The following MTUS1 variants were observed in gnomAD, a reference collection of about 807,000 sequenced individuals.
The protein encoded by MTUS1 is microtubule-associated tumor suppressor 1.
In MTUS1, 109 loss-of-function variants were observed where a neutral mutation model predicts 120.8. The ratio of observed to expected loss-of-function variants is 0.90; its 90% CI spans 0.77 to 1.06. The LOEUF (loss-of-function observed/expected upper bound fraction) is 1.06, where lower values mean the gene tolerates loss of function less well. Ranked by LOEUF, MTUS1 falls within the 50% of genes least tolerant of loss-of-function variation. The pLI, the probability that MTUS1 is intolerant of heterozygous loss-of-function variation, is 0.00. For missense variants in MTUS1, 2,210 were observed against 1,486.3 expected (o/e 1.49, Z -8.01); for synonymous variants, 737 against 550.5 (o/e 1.34, Z -4.74).
At chr8:17,760,056 C>CTTTTT (rs58249092) in intron 1 of MTUS1, among the ~76,000 whole-genome samples, 2 of 95,482 alleles carry the variant, frequency 2.1e-5, no homozygotes, top group African/African-American at 3.5e-5. Context: ...GATTTCTTTT[C>CTTTTT]TTTTTTTTTT....
chr8:17,753,478 G>A (rs1470341006), intron 2 of MTUS1, among the ~76,000 whole-genome samples: 1 of 152,120 alleles, frequency 6.6e-6, no homozygotes, highest in Non-Finnish European at 1.5e-5. Flanking sequence ...ACTATTAAAA[G>A]GAACGGTGAT....
chr8:17,681,166 T>G (rs1368839387), intron 7 of MTUS1, among the ~76,000 whole-genome samples: 1 of 152,178 alleles, frequency 6.6e-6, no homozygotes, highest in Non-Finnish European at 1.5e-5. Flanking sequence ...ACTTCTGACC[T>G]CAGGTGATCC....
intron 8 of MTUS1, among the ~76,000 whole-genome samples, chr8:17,662,219 A>C (rs1302732382): frequency 6.6e-6 from 1 of 152,044 alleles, no homozygotes; most frequent in Non-Finnish European, 1.5e-5. Context: ...ACTTTCAATT[A>C]ATCAGACACC....
chr8:17,658,545 A>G (rs977171169), intron 8 of MTUS1, among the ~76,000 whole-genome samples: 3 of 152,176 alleles, frequency 2.0e-5, no homozygotes, highest in Non-Finnish European at 4.4e-5. Context: ...GTACTACTGT[A>G]ACTGTCAGGG....
At chr8:17,746,642 C>T (rs2047774214) in intron 2 of MTUS1, among the ~76,000 whole-genome samples, 1 of 152,136 alleles carries the variant, frequency 6.6e-6, no homozygotes, top group South Asian at 2.1e-4. Flanking sequence ...CCAGGTCCCT[C>T]CCACAATATG....
At chr8:17,662,238 C>T (rs890362622) in intron 8 of MTUS1, among the ~76,000 whole-genome samples, 1 of 151,936 alleles carries the variant, frequency 6.6e-6, no homozygotes, top group Non-Finnish European at 1.5e-5. Flanking sequence ...CCCCACAAAG[C>T]CAAAACCAAA....
In MTUS1 at chr8:17,698,996, A is replaced by C. The variant is rs536030058; in HGVS notation, c.2623+14218T>G. Among the ~76,000 whole-genome samples, 5 of 152,266 alleles carry C rather than the reference A, an allele frequency of 3.3e-5. No individual in the cohort carries two copies. In the East Asian group the frequency reaches 9.6e-4, roughly 29 times the overall value. On this transcript the variant is annotated intron_variant, in intron 6 of 14. Coordinates refer to ENST00000693296, the MANE Select transcript of MTUS1 (RefSeq NM_001363059.2). ...AACACCTTTTCCTTCCAGATTCTAC[A>C]TACTAAAAATATACCAGAACCTTTT...
intron 1 of MTUS1, chr8:17,758,218 G>C (rs1006529292): frequency 9.8e-5 from 15 of 152,318 alleles, no homozygotes; most frequent in African/African-American, 3.6e-4. Context: ...AATAAAACCA[G>C]AATAGGAACT....
At chr8:17,668,710 G>C (rs555156972) in intron 8 of MTUS1, among the ~76,000 whole-genome samples, 1 of 152,120 alleles carries the variant, frequency 6.6e-6, no homozygotes, top group Admixed American at 6.5e-5. Flanking sequence ...GGGCACATGT[G>C]CAGGTTTGTT....
At chr8:17,719,906 T>C (rs1436368128) in intron 4 of MTUS1, among the ~76,000 whole-genome samples, 1 of 152,356 alleles carries the variant, frequency 6.6e-6, no homozygotes, top group South Asian at 2.1e-4. Context: ...CCCTGTCTTA[T>C]TGCAGTGAAA....
chr8:17,761,688 T>C (rs2049048670), intron 1 of MTUS1, among the ~76,000 whole-genome samples: 2 of 152,306 alleles, frequency 1.3e-5, no homozygotes, highest in Admixed American at 6.5e-5. Flanking sequence ...AAGTAAAACA[T>C]AAGAACTGGC....
At chr8:17,742,311 T>TTTTTTTTTTTTTTTTTTTTTTTA (rs1554516969) in intron 3 of MTUS1, among the ~76,000 whole-genome samples, 1 of 139,536 alleles carries the variant, frequency 7.2e-6, no homozygotes, top group Non-Finnish European at 1.6e-5. Context: ...TTTTTTTTTT[T>TTTTTTTTTTTTTTTTTTTTTTTA]AGAGATAGTG....
chr8:17,798,281 C>T, intron 1 of MTUS1, among the ~76,000 whole-genome samples: 1 of 152,102 alleles, frequency 6.6e-6, no homozygotes, highest in East Asian at 1.9e-4. Flanking sequence ...GTCTCTAACC[C>T]AAGATATGGA....
chr8:17,688,483 G>A (rs1190931191), intron 6 of MTUS1, among the ~76,000 whole-genome samples: 1 of 152,228 alleles, frequency 6.6e-6, no homozygotes, highest in Non-Finnish European at 1.5e-5. Flanking sequence ...ACCGATGTTT[G>A]TGGGTTGACA....
At chr8:17,737,299 G>C (rs1241100220) in intron 3 of MTUS1, among the ~76,000 whole-genome samples, 1 of 152,172 alleles carries the variant, frequency 6.6e-6, no homozygotes, top group Non-Finnish European at 1.5e-5. Flanking sequence ...TCCCTACTAG[G>C]AGTTGTGGGA....
intron 4 of MTUS1, chr8:17,716,617 T>G (rs1412091797): frequency 6.4e-6 from 1 of 155,872 alleles, no homozygotes; most frequent in Non-Finnish European, 1.4e-5. Flanking sequence ...TGCAGTGGCA[T>G]GATCTCGGCT....
intron 1 of MTUS1, among the ~76,000 whole-genome samples, chr8:17,764,392 A>C (rs2049298014): frequency 8.3e-6 from 1 of 119,802 alleles, no homozygotes; most frequent in East Asian, 2.1e-4. Flanking sequence ...ATTTTTATGA[A>C]AGAAAACTGC....
intron 1 of MTUS1, among the ~76,000 whole-genome samples, chr8:17,774,232 T>C (rs907603025): frequency 2.6e-5 from 4 of 152,290 alleles, no homozygotes; most frequent in Non-Finnish European, 5.9e-5. Context: ...TAAACCACAA[T>C]GCAGCTACTA....
rs1342475939 is a variant in MTUS1 at position 17,743,694 on chromosome 8, CAG to C, written c.2195_2196del (p.Pro732ArgfsTer9). The C allele has an allele frequency of 6.2e-7, 1 of 1,614,126 alleles. No homozygotes were observed. Among genetic ancestry groups the C allele is most frequent in the Non-Finnish European group, 8.5e-7 (1 of 1,180,024 alleles). ...IAAPKAKVGP[P>X]VSCLRRNSDN... ...TCACTGTTCCGCCTCAAACAGGAAA[CAG>C]GGGGCCCCACTTTGGCTTTTGGAGC... On this transcript the variant is annotated frameshift_variant, in exon 3 of 15. Coordinates refer to ENST00000693296, the MANE Select transcript of MTUS1 (RefSeq NM_001363059.2). LOFTEE classifies it high-confidence loss of function.
Sources: gnomAD v4.1 joint callset for allele counts (sites outside exome capture counted in the v4.1 genomes callset) on GRCh38, gnomAD v4.1.1 for gene constraint, MANE v1.5 for transcripts, NCBI Gene and HGNC (gene_info 2026-07-23, HGNC 2026-07-21) for gene names.